Variants in CLN8 observed in about 807,000 individuals in gnomAD.
CLN8 encodes the protein protein CLN8.
CLN8 carries 14 observed loss-of-function variants against 15.7 expected under a neutral mutation model. The ratio of observed to expected loss-of-function variants is 0.89; its 90% CI spans 0.59 to 1.39. The LOEUF (loss-of-function observed/expected upper bound fraction) is 1.39. CLN8 is among the 40% of genes most tolerant of loss of function. The pLI is 0.00. For missense variants in CLN8, 415 were observed against 364.0 expected (o/e 1.14, Z -1.14); for synonymous variants, 188 against 151.0 (o/e 1.25, Z -1.80).
chr8:1,766,716 G>T (rs930864801), intron 1 of CLN8, among the ~76,000 whole-genome samples: 2 of 152,166 alleles, frequency 1.3e-5, no homozygotes, highest in Non-Finnish European at 2.9e-5. Flanking sequence ...TTTACCCATG[G>T]AAGGAACAGT....
chr8:1,767,947 T>C (rs1801134962), intron 1 of CLN8, among the ~76,000 whole-genome samples: 1 of 150,368 alleles, frequency 6.7e-6, no homozygotes, highest in African/African-American at 2.4e-5. Context: ...TTTTCTTTCT[T>C]TCTTTTTTTT....
intron 1 of CLN8, among the ~76,000 whole-genome samples, chr8:1,765,738 T>C (rs544382329): frequency 6.6e-6 from 1 of 152,344 alleles, no homozygotes; most frequent in East Asian, 1.9e-4. Flanking sequence ...CTGTGTGCAT[T>C]GAAACCACAG....
intron 2 of CLN8, among the ~76,000 whole-genome samples, chr8:1,772,708 G>C (rs1343875779): frequency 6.6e-6 from 1 of 152,026 alleles, no homozygotes; most frequent in African/African-American, 2.4e-5. Context: ...TTGAACTCCT[G>C]ACCTCAGGTG....
chr8:1,753,296 C>A (rs10106153), upstream of CLN8, among the ~76,000 whole-genome samples: 111,015 of 151,776 alleles, frequency 0.73, 40,896 homozygotes, highest in South Asian at 0.78. Context: ...CCTGGCTGGG[C>A]GCGGTGGCTC....
At chr8:1,763,481 CG>C (rs1158760074), upstream of CLN8, among the ~76,000 whole-genome samples, 2 of 164 alleles carry the variant, frequency 0.012, 1 homozygote, top group Admixed American at 0.056. Flanking sequence ...CGCCCCCCGC[CG>C]CGCCCCGCCC....
At chr8:1,775,809 A>T (rs148513595) in intron 2 of CLN8, among the ~76,000 whole-genome samples, 320 of 151,832 alleles carry the variant, frequency 2.1e-3, no homozygotes, top group Non-Finnish European at 3.7e-3. Context: ...TCAGACACAC[A>T]CTCTTTTCAC....
chr8:1,765,667 A>C (rs1801022427), intron 1 of CLN8, among the ~76,000 whole-genome samples: 1 of 152,240 alleles, frequency 6.6e-6, no homozygotes, highest in African/African-American at 2.4e-5. Flanking sequence ...TTTCTTAGTG[A>C]GTGGGTAACA....
chr8:1,755,384 C>G (rs372900616), upstream of CLN8, among the ~76,000 whole-genome samples: 79 of 152,282 alleles, frequency 5.2e-4, no homozygotes, highest in African/African-American at 1.8e-3. Context: ...ATCCTGTTTT[C>G]TCTCACTGGC....
chr8:1,775,938 G>C (rs1801494619), intron 2 of CLN8, among the ~76,000 whole-genome samples: 1 of 152,216 alleles, frequency 6.6e-6, no homozygotes. Context: ...TCTGTGGGAG[G>C]CACATATGCA....
In CLN8 at chr8:1,783,317, G is replaced by GGTGA. The variant is rs1395113569; in HGVS notation, c.*2753_*2756dup. The stretch of plus-strand genomic sequence containing the variant: ...GAGAGTTACAGCAAGTGTTAAACGA[G>GGTGA]GTGAGTTCACATAACAGGAATTCTG... On this transcript the variant is annotated 3_prime_UTR_variant, in exon 3 of 3. Coordinates refer to ENST00000331222, the MANE Select transcript of CLN8 (RefSeq NM_018941.4). 12 of 152,238 alleles carry GGTGA rather than the reference G, an allele frequency of 7.9e-5. No individual in the cohort carries two copies. The highest frequency in any genetic ancestry group is 4.6e-4 in the Admixed American group (7 of 15,286). 9.4% of individuals were successfully genotyped at this position (152,238 alleles called of 1,614,324 possible). A position where few individuals can be genotyped will look rare whatever the true frequency, so the allele number is the denominator to read the frequency against.
chr8:1,769,411 T>C (rs1009502273), intron 1 of CLN8, among the ~76,000 whole-genome samples: 10 of 152,120 alleles, frequency 6.6e-5, no homozygotes, highest in Non-Finnish European at 1.2e-4. Flanking sequence ...TGTCTCACAA[T>C]TGAGTCAATT....
Position 1,780,620 on chromosome 8 carries a change from G to A in CLN8, c.*53G>A. 1.3e-6 allele frequency: 2 copies of A among 1,544,768 alleles called. No individual in the cohort carries two copies. Among genetic ancestry groups the A allele is most frequent in the Non-Finnish European group, 1.8e-6 (2 of 1,122,858 alleles). ...AGCAGAGCTGGCACACCGATTCTGGGAAGCCCCGCGAATGATGGCTTTTGA... is the reference window on the plus strand; with the variant it reads ...AGCAGAGCTGGCACACCGATTCTGGAAAGCCCCGCGAATGATGGCTTTTGA... On this transcript the variant is annotated 3_prime_UTR_variant, in exon 3 of 3. Transcript: ENST00000331222.
chr8:1,769,031 T>C (rs527744743), intron 1 of CLN8, among the ~76,000 whole-genome samples: 1 of 152,330 alleles, frequency 6.6e-6, no homozygotes, highest in East Asian at 1.9e-4. Context: ...AGGGGCAGCA[T>C]GACACGGGAG....
intron 2 of CLN8, among the ~76,000 whole-genome samples, chr8:1,773,288 C>T (rs1357619505): frequency 6.6e-6 from 1 of 152,134 alleles, no homozygotes; most frequent in African/African-American, 2.4e-5. Flanking sequence ...GAGGCACAGT[C>T]GTCGCCAGTA....
chr8:1,768,058 C>T (rs1801139338), intron 1 of CLN8, among the ~76,000 whole-genome samples: 1 of 151,912 alleles, frequency 6.6e-6, no homozygotes, highest in African/African-American at 2.4e-5. Context: ...ATTCTCCTGC[C>T]TCAGCCTCCT....
At position 1,771,375 on chromosome 8, in the gene CLN8, C is replaced by T. The variant is rs2130991748; in HGVS notation, c.321C>T (p.Ile107=). 1 of 1,614,228 alleles carries T rather than the reference C, an allele frequency of 6.2e-7. No homozygotes were observed. Among genetic ancestry groups the T allele is most frequent in the Non-Finnish European group, 8.5e-7 (1 of 1,180,050 alleles). The change falls in exon 2 of 3, where the codon ATC becomes ATT. Residue 107 remains isoleucine, a synonymous_variant. Transcript: ENST00000331222. ...AGCAGAACTGGTGCTGGTTTCACAT[C>T]ACGACAGCAACGGGATTCTTTTGCT... ...RGQQNWCWFH[I]TTATGFFCFE...
In CLN8 at chr8:1,784,572, T is replaced by C. The variant is rs1801784139; in HGVS notation, c.*4005T>C. ...CTGCAGCATCAGCACCCGGTGAATG[T>C]GGTTCTCTTCCCATGTCCGAATTTT... On this transcript the variant is annotated 3_prime_UTR_variant, in exon 3 of 3. Transcript: ENST00000331222. The C allele has an allele frequency of 6.6e-6, 1 of 152,290 alleles. No homozygotes were observed. 9.4% of individuals were successfully genotyped at this position (152,290 alleles called of 1,614,324 possible). A position where few individuals can be genotyped will look rare whatever the true frequency, so the allele number is the denominator to read the frequency against.
Position 1,785,789 on chromosome 8 carries a change from T to G in CLN8, c.*5222T>G, listed in dbSNP as rs1040675283. ...TGGGGTTAGACAGGTACTGGTCAGATGCACGGGCTCCCTAAACCCCTGCTG... is the reference window on the plus strand; with the variant it reads ...TGGGGTTAGACAGGTACTGGTCAGAGGCACGGGCTCCCTAAACCCCTGCTG... On this transcript the variant is annotated 3_prime_UTR_variant, in exon 3 of 3. Coordinates refer to ENST00000331222, the MANE Select transcript of CLN8 (RefSeq NM_018941.4). 1.1e-5 allele frequency: 2 copies of G among 177,772 alleles called. No homozygotes were observed. The highest frequency in any genetic ancestry group is 2.5e-5 in the Non-Finnish European group (2 of 81,464). The allele number at this position is 177,772 out of a possible 1,614,324, so 11.0% of individuals were successfully genotyped here.
At chr8:1,757,769 G>C (rs1313728565) in intron 1 of CLN8, among the ~76,000 whole-genome samples, 3 of 152,148 alleles carry the variant, frequency 2.0e-5, no homozygotes, top group Admixed American at 6.5e-5. Flanking sequence ...ATTTTTAAAG[G>C]CTGGTTGTTA....
Sources: allele counts gnomAD v4.1 joint callset (sites outside exome capture counted in the v4.1 genomes callset), GRCh38; gene constraint gnomAD v4.1.1; transcripts MANE v1.5; gene names NCBI Gene and HGNC (gene_info 2026-07-23, HGNC 2026-07-21).